Variants in CSMD1 observed in about 807,000 individuals in gnomAD.
CSMD1 encodes the protein CUB and Sushi multiple domains 1.
Under a neutral mutation model 417.5 loss-of-function variants are expected in CSMD1, and 213 were observed. The observed-to-expected ratio is 0.51, with a 90% CI of 0.46 to 0.57. CSMD1 has a LOEUF of 0.57. Among genes scored for constraint, CSMD1 ranks in the 20% least tolerant of loss-of-function variants. The pLI, the probability that CSMD1 is intolerant of heterozygous loss-of-function variation, is 0.00. For synonymous variants in CSMD1, 2,862 were observed against 1,736.8 expected, an observed-to-expected ratio of 1.65 and a Z score of -16.11; for missense variants, 6,923 against 4,529.7, an observed-to-expected ratio of 1.53 and a Z score of -15.17.
At chr8:4,334,600 T>A (rs1028646692) in intron 3 of CSMD1, among the ~76,000 whole-genome samples, 2 of 152,176 alleles carry the variant, frequency 1.3e-5, no homozygotes, top group Non-Finnish European at 2.9e-5. Context: ...TTTATTTCTC[T>A]ATCTGTATTT....
chr8:3,707,564 C>G (rs746209604), intron 7 of CSMD1, among the ~76,000 whole-genome samples: 30 of 152,218 alleles, frequency 2.0e-4, no homozygotes, highest in Admixed American at 6.5e-5. Context: ...CGGTACTCAT[C>G]TCTCGTTTGT....
intron 29 of CSMD1, among the ~76,000 whole-genome samples, chr8:3,218,388 C>G (rs1460747024): frequency 6.6e-6 from 1 of 150,744 alleles, no homozygotes; most frequent in African/African-American, 2.4e-5. Context: ...TGTGAAACCC[C>G]GTCTCTACTA....
rs187611550 is a variant in CSMD1 at position 4,178,892 on chromosome 8, G to C, written c.416-146793C>G. ...CAAGGGATGAGAAGGACCTCTTCAA[G>C]GAGAACTACAAACCACTGCTCAATG... is the stretch of plus-strand genomic sequence containing the variant. On this transcript the variant is annotated intron_variant, in intron 3 of 69. Transcript: ENST00000635120. 6.6e-3 allele frequency among the ~76,000 whole-genome samples: 997 copies of C among 152,196 alleles called. 10 individuals carry two copies. The highest frequency in any genetic ancestry group is 0.022 in the African/African-American group (922 of 41,514).
At chr8:4,739,105 C>A (rs553982714) in intron 1 of CSMD1, among the ~76,000 whole-genome samples, 2 of 151,844 alleles carry the variant, frequency 1.3e-5, no homozygotes, top group African/African-American at 2.4e-5. Context: ...AACATACACA[C>A]GTGCACACAC....
At position 3,354,876 on chromosome 8, in the gene CSMD1, T is replaced by G. The variant is rs534402070; in HGVS notation, c.3304+4276A>C. Reference sequence around the variant, plus strand: ...CTCTCCCTATATATAGATATACATATATCTATAGATATGTCTATCTATAGA... The same window carrying G: ...CTCTCCCTATATATAGATATACATAGATCTATAGATATGTCTATCTATAGA... On this transcript the variant is annotated intron_variant, in intron 21 of 69. Coordinates refer to ENST00000635120, the MANE Select transcript of CSMD1 (RefSeq NM_033225.6). Among the ~76,000 whole-genome samples, 154 of 143,498 alleles carry G rather than the reference T, an allele frequency of 1.1e-3. 2 individuals are homozygous for G. Among genetic ancestry groups the G allele is most frequent in the African/African-American group, 4.2e-3 (151 of 36,078 alleles). 94.1% of individuals were successfully genotyped at this position (143,498 alleles called of 152,430 possible).
At chr8:3,012,901 G>C (rs1037914406) in intron 52 of CSMD1, among the ~76,000 whole-genome samples, 1 of 152,148 alleles carries the variant, frequency 6.6e-6, no homozygotes, top group African/African-American at 2.4e-5. Context: ...TGAATCATGG[G>C]GGCGGGAGTT....
At chr8:3,209,046 G>A (rs138503571) in intron 30 of CSMD1, among the ~76,000 whole-genome samples, 3 of 152,274 alleles carry the variant, frequency 2.0e-5, no homozygotes, top group African/African-American at 7.2e-5. Context: ...AACACTTTGT[G>A]CAAGCATAGA....
At chr8:4,445,152 G>C (rs916418346) in intron 2 of CSMD1, among the ~76,000 whole-genome samples, 1 of 152,200 alleles carries the variant, frequency 6.6e-6, no homozygotes, top group African/African-American at 2.4e-5. Flanking sequence ...AAGATTGGGT[G>C]ATGGCACTAG....
chr8:4,013,962 G>T (rs1049753254), intron 4 of CSMD1, among the ~76,000 whole-genome samples: 1 of 152,140 alleles, frequency 6.6e-6, no homozygotes, highest in African/African-American at 2.4e-5. Context: ...GTAATACTTT[G>T]CAGGTCCTCA....
At chr8:4,511,700 C>G (rs1163427993) in intron 2 of CSMD1, among the ~76,000 whole-genome samples, 1 of 152,162 alleles carries the variant, frequency 6.6e-6, no homozygotes, top group African/African-American at 2.4e-5. Context: ...AGAGCCGTAA[C>G]TGATGAACTG....
chr8:3,908,561 G>T (rs1435738565), intron 5 of CSMD1, among the ~76,000 whole-genome samples: 1 of 152,036 alleles, frequency 6.6e-6, no homozygotes, highest in African/African-American at 2.4e-5. Context: ...TGTAGCTATG[G>T]AGCTCACATT....
chr8:3,994,308 A>G (rs773686137), intron 5 of CSMD1, among the ~76,000 whole-genome samples: 3 of 152,128 alleles, frequency 2.0e-5, no homozygotes, highest in Non-Finnish European at 4.4e-5. Context: ...CCCAGCCAAG[A>G]CTATACAACC....
chr8:4,726,749 T>C (rs1370552759), intron 1 of CSMD1, among the ~76,000 whole-genome samples: 2 of 152,258 alleles, frequency 1.3e-5, no homozygotes, highest in Non-Finnish European at 2.9e-5. Flanking sequence ...GGCTGGGTTA[T>C]GACTGCATGT....
At chr8:3,259,560 C>T (rs1043616326) in intron 26 of CSMD1, among the ~76,000 whole-genome samples, 1 of 152,190 alleles carries the variant, frequency 6.6e-6, no homozygotes, top group Non-Finnish European at 1.5e-5. Context: ...GACATTACAA[C>T]TCCATTACAA....
intron 8 of CSMD1, among the ~76,000 whole-genome samples, chr8:3,610,324 G>A (rs987722067): frequency 1.7e-4 from 26 of 152,104 alleles, no homozygotes; most frequent in African/African-American, 5.8e-4. Flanking sequence ...CTTGAGGCCA[G>A]GAGTTAGAAA....
At chr8:4,554,896 G>A (rs1446149535) in intron 2 of CSMD1, among the ~76,000 whole-genome samples, 1 of 152,138 alleles carries the variant, frequency 6.6e-6, no homozygotes, top group Non-Finnish European at 1.5e-5. Flanking sequence ...TGATGATGGT[G>A]TTCATGGATG....
intron 3 of CSMD1, among the ~76,000 whole-genome samples, chr8:4,298,739 G>A (rs1000652649): frequency 6.6e-6 from 1 of 151,940 alleles, no homozygotes; most frequent in Non-Finnish European, 1.5e-5. Context: ...TAGATGTTAA[G>A]AAATTAATGT....
intron 3 of CSMD1, among the ~76,000 whole-genome samples, chr8:4,376,799 G>T (rs923427651): frequency 6.6e-6 from 1 of 152,074 alleles, no homozygotes; most frequent in Non-Finnish European, 1.5e-5. Context: ...TCTGTTGTCC[G>T]ACCTCTACTT....
chr8:3,760,454 C>T (rs1185310232), intron 5 of CSMD1, among the ~76,000 whole-genome samples: 1 of 152,124 alleles, frequency 6.6e-6, no homozygotes, highest in Non-Finnish European at 1.5e-5. Context: ...TCATTTTCTC[C>T]AAATAATTGT....
Sources: allele counts gnomAD v4.1 joint callset (sites outside exome capture counted in the v4.1 genomes callset), GRCh38; gene constraint gnomAD v4.1.1; transcripts MANE v1.5; gene names NCBI Gene and HGNC (gene_info 2026-07-23, HGNC 2026-07-21).